Variants in ELOVL5 observed in about 807,000 individuals in gnomAD.
The protein encoded by ELOVL5 is ELOVL fatty acid elongase 5, also known as very long chain fatty acid elongase 5.
Under a neutral mutation model 38.6 loss-of-function variants are expected in ELOVL5, and 8 were observed. That is an observed-to-expected ratio of 0.21 (90% CI 0.12 to 0.37). The LOEUF (loss-of-function observed/expected upper bound fraction) is 0.37. Ranked by LOEUF, ELOVL5 falls within the 10% of genes least tolerant of loss-of-function variation. The pLI is 1.00. For synonymous variants in ELOVL5, 127 were observed against 133.7 expected (o/e 0.95, Z 0.34); for missense variants, 280 against 367.8 (o/e 0.76, Z 1.95).
intron 1 of ELOVL5, among the ~76,000 whole-genome samples, chr6:53,332,094 C>A (rs1255562005): frequency 6.6e-6 from 1 of 152,216 alleles, no homozygotes; most frequent in African/African-American, 2.4e-5. Context: ...AGGGATTCGT[C>A]TCCATGACCC....
At chr6:53,269,357 G>C (rs1765843691) in intron 7 of ELOVL5, 87 bp from the exon 8 acceptor site, 1 of 1,060,092 alleles carries the variant, frequency 9.4e-7, no homozygotes, top group Non-Finnish European at 1.3e-6. Flanking sequence ...CTAACACTAG[G>C]CCTAGTTTCA....
At chr6:53,293,130 T>A (rs1391643520) in intron 2 of ELOVL5, among the ~76,000 whole-genome samples, 3 of 152,080 alleles carry the variant, frequency 2.0e-5, no homozygotes, top group Non-Finnish European at 4.4e-5. Context: ...AAGCTACCTC[T>A]GAAAAGCATG....
intron 1 of ELOVL5, among the ~76,000 whole-genome samples, chr6:53,305,380 ACCCC>A (rs780282202): frequency 9.4e-6 from 1 of 106,406 alleles, no homozygotes; most frequent in African/African-American, 4.0e-5. Context: ...GCGGGGGCTG[ACCCC>A]CCCCCACCTC....
At chr6:53,297,667 CTTT>C (rs1767065134) in intron 1 of ELOVL5, among the ~76,000 whole-genome samples, 1 of 151,960 alleles carries the variant, frequency 6.6e-6, no homozygotes, top group African/African-American at 2.4e-5. Context: ...ATAAAGTACA[CTTT>C]ATTATAGGTA....
chr6:53,314,630 G>A (rs1767961473), intron 1 of ELOVL5, among the ~76,000 whole-genome samples: 1 of 152,168 alleles, frequency 6.6e-6, no homozygotes, highest in South Asian at 2.1e-4. Context: ...CAGAAATCTA[G>A]CTATTCCTCC....
chr6:53,273,139 G>T, intron 6 of ELOVL5, 81 bp downstream of exon 6: 1 of 1,440,594 alleles, frequency 6.9e-7, no homozygotes, highest in Non-Finnish European at 9.6e-7. Context: ...CATCTTAGAT[G>T]CTATTACATA....
At chr6:53,312,249 G>A (rs749002529) in intron 1 of ELOVL5, among the ~76,000 whole-genome samples, 31 of 152,256 alleles carry the variant, frequency 2.0e-4, no homozygotes, top group Non-Finnish European at 3.2e-4. Context: ...ACCTGTACAC[G>A]AATGTTCACA....
intron 7 of ELOVL5, among the ~76,000 whole-genome samples, chr6:53,269,477 G>A (rs542360169): frequency 8.5e-5 from 13 of 152,184 alleles, no homozygotes; most frequent in African/African-American, 3.1e-4. Flanking sequence ...TTAGCCTGAG[G>A]TAAGTTAACT....
chr6:53,277,971 G>A (rs1766204086), intron 3 of ELOVL5, among the ~76,000 whole-genome samples: 1 of 152,202 alleles, frequency 6.6e-6, no homozygotes, highest in Non-Finnish European at 1.5e-5. Context: ...TGGGACAACC[G>A]CGAATAAGAA....
chr6:53,274,678 T>G (rs984318273), intron 5 of ELOVL5, among the ~76,000 whole-genome samples: 1 of 152,318 alleles, frequency 6.6e-6, no homozygotes, highest in Admixed American at 6.5e-5. Flanking sequence ...ATGTGGAGAC[T>G]TCCTAATGCA....
At chr6:53,348,589 GCCCGCA>G (rs904117045) in intron 1 of ELOVL5, among the ~76,000 whole-genome samples, 8 of 152,302 alleles carry the variant, frequency 5.3e-5, no homozygotes, top group South Asian at 2.1e-4. Flanking sequence ...AGCCGCCCGC[GCCCGCA>G]CCCGCACCCC....
intron 1 of ELOVL5, among the ~76,000 whole-genome samples, chr6:53,346,220 G>C (rs1192279346): frequency 2.0e-5 from 3 of 152,150 alleles, no homozygotes; most frequent in African/African-American, 7.2e-5. Flanking sequence ...CTTCATCCAT[G>C]TCCCTGCAAA....
intron 2 of ELOVL5, 108 bp downstream of exon 2, chr6:53,295,534 T>C (rs1233521879): frequency 1.3e-6 from 1 of 767,450 alleles, no homozygotes; most frequent in Non-Finnish European, 2.1e-6. Context: ...TTTAGACTTA[T>C]CATAGAAAAT....
Position 53,342,279 on chromosome 6 carries a change from A to T in ELOVL5, c.-9+6538T>A, listed in dbSNP as rs182320370. 3.0e-3 allele frequency among the ~76,000 whole-genome samples: 458 copies of T among 152,196 alleles called. 7 individuals are homozygous for T. The South Asian group carries it at 0.031, about 10-fold the overall frequency. Reference sequence around the variant, plus strand: ...CCTAGGGAGATACATCACATTTCAAACTCCCCTGGAAGCAAATGAATAATT... The same window carrying T: ...CCTAGGGAGATACATCACATTTCAATCTCCCCTGGAAGCAAATGAATAATT... On this transcript the variant is annotated intron_variant, in intron 1 of 7. Transcript: ENST00000304434.
chr6:53,278,014 G>C (rs973163719), intron 3 of ELOVL5, among the ~76,000 whole-genome samples: 1 of 152,210 alleles, frequency 6.6e-6, no homozygotes, highest in African/African-American at 2.4e-5. Context: ...TTTTCATGAA[G>C]ATAAATTCGT....
At chr6:53,305,829 G>A (rs1462476566) in intron 1 of ELOVL5, among the ~76,000 whole-genome samples, 2 of 152,124 alleles carry the variant, frequency 1.3e-5, no homozygotes, top group African/African-American at 2.4e-5. Context: ...TGCAATCTCC[G>A]CACTTTGTGG....
intron 1 of ELOVL5, among the ~76,000 whole-genome samples, chr6:53,339,245 A>G (rs759369813): frequency 6.6e-6 from 1 of 152,214 alleles, no homozygotes; most frequent in African/African-American, 2.4e-5. Context: ...TCACCTGTTC[A>G]GATTCCATGT....
At chr6:53,272,421 G>A (rs1250500727) in intron 6 of ELOVL5, among the ~76,000 whole-genome samples, 5 of 152,000 alleles carry the variant, frequency 3.3e-5, no homozygotes, top group African/African-American at 1.2e-4. Flanking sequence ...ACAGGCGTGA[G>A]CCACTGTGCC....
intron 1 of ELOVL5, among the ~76,000 whole-genome samples, chr6:53,306,386 G>A (rs113402641): frequency 0.015 from 381 of 24,640 alleles, 37 homozygotes; most frequent in Middle Eastern, 0.031. Flanking sequence ...AGAGGGGAGA[G>A]AGAGAGGGGA....
Sources: allele counts gnomAD v4.1 joint callset (sites outside exome capture counted in the v4.1 genomes callset), GRCh38; gene constraint gnomAD v4.1.1; transcripts MANE v1.5; gene names NCBI Gene and HGNC (gene_info 2026-07-23, HGNC 2026-07-21).